BACH2: variants seen among roughly 807,000 people sequenced by gnomAD.
BACH2 encodes the protein transcription regulator protein BACH2.
Under a neutral mutation model 61.8 loss-of-function variants are expected in BACH2, and 5 were observed. That is an observed-to-expected ratio of 0.08 (90% confidence interval 0.04 to 0.17). The LOEUF is 0.17. Among genes scored for constraint, BACH2 ranks in the 10% least tolerant of loss-of-function variants. BACH2 has a pLI of 1.00. For missense variants in BACH2, 824 were observed against 1,091.1 expected (o/e 0.76, Z 3.45); for synonymous variants, 446 against 440.1 (o/e 1.01, Z -0.17).
chr6:89,994,614 T>C (rs1193685744), intron 6 of BACH2, among the ~76,000 whole-genome samples: 1 of 152,160 alleles, frequency 6.6e-6, no homozygotes, highest in Non-Finnish European at 1.5e-5. Context: ...TTGGTCCCCT[T>C]AGGTCCCACT....
chr6:90,076,989 G>A (rs551473777), intron 5 of BACH2, among the ~76,000 whole-genome samples: 19 of 152,198 alleles, frequency 1.2e-4, no homozygotes, highest in African/African-American at 3.6e-4. Context: ...CCAGCAATGC[G>A]GACATGCACT....
chr6:90,188,110 T>C (rs1390852519), intron 4 of BACH2, among the ~76,000 whole-genome samples: 1 of 152,234 alleles, frequency 6.6e-6, no homozygotes, highest in Non-Finnish European at 1.5e-5. Flanking sequence ...ATCAGGAACA[T>C]CCCTAAAACT....
At position 90,008,711 on chromosome 6, in the gene BACH2, C is replaced by T. The variant is rs144485006; in HGVS notation, c.134G>A (p.Arg45Lys). ...ILCDVTLIVE[R>K]KEFRAHRAVL... ...AGCCCGGTGGGCCCGGAACTCCTTC[C>T]TCTCCACGATCAAAGTCACGTCACA... The change falls in exon 6 of 9, where the codon AGG becomes AAG. Residue 45 changes from arginine (R) to lysine (K), a missense_variant. Arg to Lys is a conservative substitution (Grantham distance 26). Around this residue, in one of 8 missense-constraint regions of BACH2, gnomAD observed 66 missense variants for 144.8 expected, o/e 0.46. Transcript: ENST00000257749. The surrounding 1 kb of genome is among the most constrained non-coding windows in gnomAD (Gnocchi z 4.1). 2 of 1,614,058 alleles carry T rather than the reference C, an allele frequency of 1.2e-6. No homozygotes were observed. Among genetic ancestry groups the T allele is most frequent in the Non-Finnish European group, 1.7e-6 (2 of 1,180,032 alleles).
chr6:90,095,873 G>A lies in BACH2; in HGVS notation c.-161-6764C>T, dbSNP rs151247540. Among the ~76,000 whole-genome samples, 1,320 of 152,194 alleles carry A rather than the reference G, an allele frequency of 8.7e-3. 22 individuals carry two copies. The highest frequency in any genetic ancestry group is 0.029 in the African/African-American group (1,201 of 41,516). ...GCTAGAAATTTTACAGGAATTATTAGCCTCTCTGGTACATGAGAGAACCCT... is the reference window on the plus strand; with the variant it reads ...GCTAGAAATTTTACAGGAATTATTAACCTCTCTGGTACATGAGAGAACCCT... On this transcript the variant is annotated intron_variant, in intron 4 of 8. Coordinates refer to ENST00000257749, the MANE Select transcript of BACH2 (RefSeq NM_021813.4).
At chr6:90,200,655 C>T (rs1398677674) in intron 4 of BACH2, among the ~76,000 whole-genome samples, 1 of 152,034 alleles carries the variant, frequency 6.6e-6, no homozygotes, top group East Asian at 1.9e-4. Flanking sequence ...TAATGAAATA[C>T]ACAAATATTG....
At chr6:90,186,307 G>C (rs896013520) in intron 4 of BACH2, among the ~76,000 whole-genome samples, 2 of 152,132 alleles carry the variant, frequency 1.3e-5, no homozygotes, top group Non-Finnish European at 2.9e-5. Flanking sequence ...TACAACACTA[G>C]AGTAATATCC....
At chr6:90,123,839 A>C (rs1783740479) in intron 4 of BACH2, among the ~76,000 whole-genome samples, 1 of 151,962 alleles carries the variant, frequency 6.6e-6, no homozygotes, top group African/African-American at 2.4e-5. Flanking sequence ...AGAAATAGAA[A>C]TCTTATGTGA....
At chr6:90,079,202 T>G (rs1781612124) in intron 5 of BACH2, among the ~76,000 whole-genome samples, 2 of 152,166 alleles carry the variant, frequency 1.3e-5, no homozygotes, top group Admixed American at 1.3e-4. Flanking sequence ...GAGTTTTTAC[T>G]TGGTTAACTG....
chr6:90,105,753 A>G (rs1472846010), intron 4 of BACH2, among the ~76,000 whole-genome samples: 2 of 152,346 alleles, frequency 1.3e-5, no homozygotes, highest in East Asian at 3.9e-4. Flanking sequence ...ACTGCTAACC[A>G]AATGAACAAG....
In BACH2 at chr6:90,177,412, G is replaced by A. The variant is rs74386848; in HGVS notation, c.-162+29157C>T. 6.9e-3 allele frequency among the ~76,000 whole-genome samples: 1,056 copies of A among 152,246 alleles called. 14 individuals are homozygous for A. The highest frequency in any genetic ancestry group is 0.024 in the African/African-American group (993 of 41,520). ...TACTAAGCTTTTCAAATGTTATGAC[G>A]TGAGTTCCCACAACAACTCAATGAA... On this transcript the variant is annotated intron_variant, in intron 4 of 8. Transcript: ENST00000257749.
At chr6:90,234,717 A>C (rs1490335512) in intron 3 of BACH2, among the ~76,000 whole-genome samples, 2 of 152,238 alleles carry the variant, frequency 1.3e-5, no homozygotes, top group Admixed American at 6.5e-5. Context: ...TCTTAGAACC[A>C]GAATGGAATA....
chr6:90,029,809 CT>C (rs1449416647), intron 5 of BACH2, among the ~76,000 whole-genome samples: 3 of 152,194 alleles, frequency 2.0e-5, no homozygotes, highest in African/African-American at 7.2e-5. Context: ...TCAAGGTCGC[CT>C]TGCCTATCCA....
intron 5 of BACH2, among the ~76,000 whole-genome samples, chr6:90,038,736 T>C (rs1779384346): frequency 1.3e-5 from 2 of 152,074 alleles, no homozygotes; most frequent in Non-Finnish European, 2.9e-5. Flanking sequence ...GTCCTTTTTT[T>C]TACACAGAAG....
chr6:90,194,600 T>C (rs142742675), intron 4 of BACH2, among the ~76,000 whole-genome samples: 1 of 152,254 alleles, frequency 6.6e-6, no homozygotes, highest in East Asian at 1.9e-4. Context: ...ATGGAGAAAG[T>C]GCCTGAGAGA....
chr6:89,940,800 T>G (rs1584505789), intron 7 of BACH2, among the ~76,000 whole-genome samples: 1 of 151,224 alleles, frequency 6.6e-6, no homozygotes, highest in East Asian at 1.9e-4. Flanking sequence ...ACCCAATAGA[T>G]AAAAATACTT....
chr6:90,051,074 A>T (rs1780023470), intron 5 of BACH2, among the ~76,000 whole-genome samples: 1 of 152,142 alleles, frequency 6.6e-6, no homozygotes, highest in Non-Finnish European at 1.5e-5. Context: ...GTAATTTTTA[A>T]GAGTATAAAG....
At chr6:90,100,885 T>C (rs868681868) in intron 4 of BACH2, among the ~76,000 whole-genome samples, 46 of 152,158 alleles carry the variant, frequency 3.0e-4, no homozygotes, top group African/African-American at 1.1e-3. Flanking sequence ...GTATAAGGGT[T>C]CCAATTTCTC....
Position 90,008,285 on chromosome 6 carries a change from T to C in BACH2, c.243+317A>G. 1 of 373,168 alleles carries C rather than the reference T, an allele frequency of 2.7e-6. No homozygotes were observed. Among genetic ancestry groups the C allele is most frequent in the East Asian group, 5.3e-5 (1 of 18,710 alleles). 23.1% of individuals were successfully genotyped at this position (373,168 alleles called of 1,614,324 possible). On this transcript the variant is annotated intron_variant, in intron 6 of 8. Coordinates refer to ENST00000257749, the MANE Select transcript of BACH2 (RefSeq NM_021813.4). The surrounding 1 kb of genome is among the most constrained non-coding windows in gnomAD (Gnocchi z 4.1). ...TGAAAGACAGAAATCATAGCAATGA[T>C]TCAGATCCCACATCTAGGACTGTGC...
intron 4 of BACH2, among the ~76,000 whole-genome samples, chr6:90,134,386 CA>C (rs1784205191): frequency 6.6e-6 from 1 of 152,174 alleles, no homozygotes; most frequent in Non-Finnish European, 1.5e-5. Context: ...TGATGTACAT[CA>C]GTGCCCTGTT....
Sources: gnomAD v4.1 joint callset for allele counts (sites outside exome capture counted in the v4.1 genomes callset) on GRCh38, gnomAD v4.1.1 for gene constraint, gnomAD v4.1.1 regional missense constraint, Gnocchi (gnomAD v3.1) non-coding constraint, MANE v1.5 for transcripts, NCBI Gene and HGNC (gene_info 2026-07-23, HGNC 2026-07-21) for gene names.